Variants in TENT2 observed in about 807,000 individuals in gnomAD.
TENT2 encodes the protein poly(A) RNA polymerase GLD2.
TENT2 carries 44 observed loss-of-function variants against 72.2 expected under a neutral mutation model. The ratio of observed to expected loss-of-function variants is 0.61; its 90% confidence interval spans 0.48 to 0.78. The LOEUF is 0.78. TENT2 is among the 30% of genes least tolerant of loss of function. TENT2 has a pLI of 0.00. For synonymous variants in TENT2, 212 were observed against 192.5 expected (o/e 1.10, Z -0.84); for missense variants, 541 against 569.6 (o/e 0.95, Z 0.51).
chr5:79,658,846 TTC>T (rs1344678385), intron 11 of TENT2, among the ~76,000 whole-genome samples: 4 of 143,680 alleles, frequency 2.8e-5, no homozygotes, highest in Admixed American at 2.1e-4. Context: ...CACTTCTGTG[TTC>T]TGTTTTTCTT....
At chr5:79,660,967 C>T (rs932226960) in intron 11 of TENT2, among the ~76,000 whole-genome samples, 18 of 151,436 alleles carry the variant, frequency 1.2e-4, no homozygotes, top group Admixed American at 3.3e-4. Context: ...ATGTTTGTGC[C>T]TTTGTTTTTA....
At chr5:79,645,055 AAT>A in intron 7 of TENT2, 66 bp from the exon 8 acceptor site, 1 of 1,271,750 alleles carries the variant, frequency 7.9e-7, no homozygotes, top group Non-Finnish European at 1.1e-6. Flanking sequence ...TTTTTTAAAA[AAT>A]GTGCGTTGGA....
At chr5:79,648,571 G>T in intron 8 of TENT2, 46 bp from the exon 9 acceptor site, 2 of 1,342,966 alleles carry the variant, frequency 1.5e-6, no homozygotes, top group Non-Finnish European at 2.0e-6. Flanking sequence ...AAGTTTTTTT[G>T]TTCTTCAGCT....
Position 79,653,514 on chromosome 5 carries a change from T to A in TENT2, c.1028-3444T>A, listed in dbSNP as rs140917422. ...TTAACAAAACAAAAAAATTAAACAT[T>A]GCTATTTTGCCAGTCTGATCAAATC... On this transcript the variant is annotated intron_variant, in intron 10 of 14. Transcript: ENST00000453514. Among the ~76,000 whole-genome samples, 6 of 152,220 alleles carry A rather than the reference T, an allele frequency of 3.9e-5. No homozygotes were observed. In the East Asian group the frequency reaches 9.6e-4, roughly 24 times the overall value.
chr5:79,659,414 T>A (rs2150365059), intron 11 of TENT2, among the ~76,000 whole-genome samples: 1 of 148,688 alleles, frequency 6.7e-6, no homozygotes, highest in South Asian at 2.1e-4. Flanking sequence ...GTGCCTGTAA[T>A]CCCAGCTACT....
intron 11 of TENT2, 65 bp from the exon 12 acceptor site, chr5:79,668,827 T>A (rs1810569648): frequency 8.0e-6 from 12 of 1,498,978 alleles, no homozygotes. Context: ...AGTTCAGGAT[T>A]TATAAAGTTT....
At chr5:79,661,456 G>C (rs1003380638) in intron 11 of TENT2, among the ~76,000 whole-genome samples, 1 of 152,148 alleles carries the variant, frequency 6.6e-6, no homozygotes, top group Non-Finnish European at 1.5e-5. Context: ...ATGCTGTACA[G>C]GTGTGTAGCC....
At chr5:79,632,926 C>T (rs1383097356) in intron 4 of TENT2, among the ~76,000 whole-genome samples, 9 of 152,196 alleles carry the variant, frequency 5.9e-5, no homozygotes, top group East Asian at 5.8e-4. Context: ...TAATAGTAGG[C>T]GCCTAAAGTA....
intron 11 of TENT2, among the ~76,000 whole-genome samples, chr5:79,660,455 C>CTTTA (rs1801930512): frequency 6.6e-6 from 1 of 151,914 alleles, no homozygotes; most frequent in South Asian, 2.1e-4. Context: ...GTTTCCTTCG[C>CTTTA]TAAAAGTATC....
At chr5:79,677,320 G>A (rs1651330716) in intron 12 of TENT2, among the ~76,000 whole-genome samples, 1 of 152,080 alleles carries the variant, frequency 6.6e-6, no homozygotes, top group Non-Finnish European at 1.5e-5. Flanking sequence ...TCTGGTAAGG[G>A]ATTATAATAA....
intron 12 of TENT2, 50 bp downstream of exon 12, chr5:79,669,078 GTA>G (rs759746914): frequency 3.6e-5 from 56 of 1,553,650 alleles, no homozygotes; most frequent in South Asian, 1.0e-4. Context: ...GTGTGTGTGT[GTA>G]TGTATGTATA....
chr5:79,657,909 T>C (rs1159109099), intron 11 of TENT2, among the ~76,000 whole-genome samples: 1 of 152,200 alleles, frequency 6.6e-6, no homozygotes, highest in African/African-American at 2.4e-5. Flanking sequence ...AGATGATTAA[T>C]TTTCAAAAAA....
At chr5:79,613,406 T>C (rs1249287717) in intron 1 of TENT2, among the ~76,000 whole-genome samples, 3 of 152,154 alleles carry the variant, frequency 2.0e-5, no homozygotes, top group South Asian at 4.1e-4. Context: ...AAATAACACA[T>C]GTGCAGTGTA....
intron 4 of TENT2, among the ~76,000 whole-genome samples, chr5:79,631,132 A>G (rs907609496): frequency 6.6e-6 from 1 of 152,152 alleles, no homozygotes; most frequent in African/African-American, 2.4e-5. Flanking sequence ...TGTGTACCCT[A>G]CTACATTTAG....
intron 4 of TENT2, among the ~76,000 whole-genome samples, chr5:79,625,701 A>G (rs1435887822): frequency 6.6e-6 from 1 of 152,004 alleles, no homozygotes; most frequent in African/African-American, 2.4e-5. Flanking sequence ...TATTGAAAAA[A>G]CTGTTCTTTT....
chr5:79,648,219 A>G (rs947422224), intron 8 of TENT2, among the ~76,000 whole-genome samples: 1 of 151,808 alleles, frequency 6.6e-6, no homozygotes, highest in Non-Finnish European at 1.5e-5. Flanking sequence ...GAGGTGGGGG[A>G]ATTGCTTGAG....
chr5:79,648,593 AT>A (rs1561522751), intron 8 of TENT2, 23 bp from the exon 9 acceptor site: 1 of 1,449,604 alleles, frequency 6.9e-7, no homozygotes, highest in South Asian at 1.3e-5. Flanking sequence ...AAGTTTATTT[AT>A]TTATTTATTT....
At chr5:79,679,411 G>GA (rs56798447) in intron 12 of TENT2, among the ~76,000 whole-genome samples, 168 bp from the exon 13 acceptor site, 4 of 151,152 alleles carry the variant, frequency 2.6e-5, no homozygotes, top group Non-Finnish European at 3.0e-5. Flanking sequence ...AAGTGTTGTG[G>GA]AAAAAAAAAT....
chr5:79,657,764 A>G (rs560149878), intron 11 of TENT2, among the ~76,000 whole-genome samples: 2 of 152,128 alleles, frequency 1.3e-5, no homozygotes, highest in Admixed American at 1.3e-4. Context: ...ATAATATTTA[A>G]GCTACTTGTT....
Sources: allele counts gnomAD v4.1 joint callset (sites outside exome capture counted in the v4.1 genomes callset), GRCh38; gene constraint gnomAD v4.1.1; transcripts MANE v1.5; gene names NCBI Gene and HGNC (gene_info 2026-07-23, HGNC 2026-07-21).